Variants in TRERF1 observed in about 807,000 individuals in gnomAD.
TRERF1 encodes the protein transcriptional-regulating factor 1.
A neutral mutation model predicts 122.9 loss-of-function variants in TRERF1; 27 were observed. The ratio of observed to expected loss-of-function variants is 0.22; its 90% CI spans 0.16 to 0.30. The LOEUF (loss-of-function observed/expected upper bound fraction) is 0.30, where lower values mean the gene tolerates loss of function less well. Ranked by LOEUF, TRERF1 falls within the 10% of genes least tolerant of loss-of-function variation. TRERF1 has a pLI of 1.00. For missense variants in TRERF1, 1,248 were observed against 1,560.3 expected, an observed-to-expected ratio of 0.80 and a Z score of 3.37; for synonymous variants, 636 against 641.7, an observed-to-expected ratio of 0.99 and a Z score of 0.13.
intron 2 of TRERF1, among the ~76,000 whole-genome samples, chr6:42,434,718 T>A (rs1167334685): frequency 8.3e-6 from 1 of 119,806 alleles, no homozygotes; most frequent in East Asian, 2.3e-4. Context: ...ACACCCCTAA[T>A]AGGAGTTATT....
intron 2 of TRERF1, among the ~76,000 whole-genome samples, chr6:42,425,518 G>GC (rs1783492335): frequency 1.4e-5 from 2 of 139,656 alleles, no homozygotes; most frequent in Admixed American, 1.4e-4. Context: ...AACCGACACG[G>GC]CCCCCTGGGC....
At chr6:42,391,561 C>T (rs535383361) in intron 2 of TRERF1, among the ~76,000 whole-genome samples, 32 of 152,118 alleles carry the variant, frequency 2.1e-4, no homozygotes, top group Non-Finnish European at 3.8e-4. Context: ...AGTCCTCCTG[C>T]CCACACCCAC....
chr6:42,448,610 G>A (rs60530940), intron 2 of TRERF1, among the ~76,000 whole-genome samples: 3,929 of 152,224 alleles, frequency 0.026, 142 homozygotes, highest in South Asian at 0.091. Flanking sequence ...TGGAGACCTC[G>A]CTTACAAGAC....
chr6:42,284,781 A>G (rs1409920765), intron 4 of TRERF1, among the ~76,000 whole-genome samples: 1 of 152,132 alleles, frequency 6.6e-6, no homozygotes, highest in Non-Finnish European at 1.5e-5. Context: ...TAACTTTAAC[A>G]TGAGGAGCAT....
At chr6:42,439,136 C>T (rs558251999) in intron 2 of TRERF1, among the ~76,000 whole-genome samples, 1 of 152,200 alleles carries the variant, frequency 6.6e-6, no homozygotes, top group Non-Finnish European at 1.5e-5. Context: ...CTGCCACTTG[C>T]CCCTGTGTTT....
intron 2 of TRERF1, among the ~76,000 whole-genome samples, chr6:42,412,094 G>A (rs9471859): frequency 0.013 from 1,913 of 143,862 alleles, 19 homozygotes; most frequent in Middle Eastern, 0.032. Flanking sequence ...TCCGCCTCCC[G>A]GGTTCAAACG....
chr6:42,331,776 C>G (rs934584314), intron 3 of TRERF1, among the ~76,000 whole-genome samples: 2 of 152,134 alleles, frequency 1.3e-5, no homozygotes, highest in Non-Finnish European at 2.9e-5. Context: ...GTGAAGCTGG[C>G]CTAGCAGCGC....
At chr6:42,440,328 T>C (rs1290107538) in intron 2 of TRERF1, among the ~76,000 whole-genome samples, 1 of 152,142 alleles carries the variant, frequency 6.6e-6, no homozygotes, top group Non-Finnish European at 1.5e-5. Flanking sequence ...CAGGAGCCAG[T>C]CTTTGGAGCG....
intron 4 of TRERF1, among the ~76,000 whole-genome samples, chr6:42,279,193 G>A (rs896706360): frequency 6.6e-6 from 1 of 152,220 alleles, no homozygotes; most frequent in African/African-American, 2.4e-5. Flanking sequence ...AGGAGGTGCA[G>A]TAGGCAGACC....
chr6:42,388,959 G>A (rs894550687), intron 2 of TRERF1, among the ~76,000 whole-genome samples: 7 of 152,098 alleles, frequency 4.6e-5, no homozygotes, highest in Admixed American at 4.6e-4. Flanking sequence ...TGTGCCTACA[G>A]GGTCTTGCAG....
At chr6:42,436,419 TTTAA>T in intron 2 of TRERF1, among the ~76,000 whole-genome samples, 1 of 152,238 alleles carries the variant, frequency 6.6e-6, no homozygotes, top group East Asian at 1.9e-4. Context: ...CCAAAAAATA[TTTAA>T]TTAGTAAGTA....
At chr6:42,316,765 G>T (rs1287141391) in intron 3 of TRERF1, among the ~76,000 whole-genome samples, 2 of 152,126 alleles carry the variant, frequency 1.3e-5, no homozygotes, top group Non-Finnish European at 2.9e-5. Flanking sequence ...TAGGATTATG[G>T]GAGGGGCCTG....
chr6:42,330,656 T>C (rs541371977), intron 3 of TRERF1, among the ~76,000 whole-genome samples: 1 of 152,196 alleles, frequency 6.6e-6, no homozygotes, highest in African/African-American at 2.4e-5. Flanking sequence ...AGGATACTCA[T>C]GCAAACATTG....
At chr6:42,262,469 GA>G (rs1778241567) in intron 8 of TRERF1, among the ~76,000 whole-genome samples, 1 of 1,238 alleles carries the variant, frequency 8.1e-4, no homozygotes, top group African/African-American at 3.8e-3. Flanking sequence ...AGAGAGAGGA[GA>G]GAGAGAGAGA....
At chr6:42,414,188 G>C (rs1686944832) in intron 2 of TRERF1, among the ~76,000 whole-genome samples, 1 of 152,200 alleles carries the variant, frequency 6.6e-6, no homozygotes, top group South Asian at 2.1e-4. Context: ...AAACAACCAA[G>C]GGGAAAGCAT....
At chr6:42,398,538 T>G (rs900046342) in intron 2 of TRERF1, among the ~76,000 whole-genome samples, 1 of 152,354 alleles carries the variant, frequency 6.6e-6, no homozygotes, top group South Asian at 2.1e-4. Context: ...GCCTGTGTGC[T>G]TACTTTGTTC....
At chr6:42,442,864 A>C (rs1426647745) in intron 2 of TRERF1, among the ~76,000 whole-genome samples, 2 of 152,200 alleles carry the variant, frequency 1.3e-5, no homozygotes, top group African/African-American at 4.8e-5. Context: ...TGTGGCATTA[A>C]ATCAGGGCTT....
intron 3 of TRERF1, among the ~76,000 whole-genome samples, chr6:42,330,744 G>A (rs1765103286): frequency 6.6e-6 from 1 of 152,172 alleles, no homozygotes; most frequent in Non-Finnish European, 1.5e-5. Context: ...TTGGCTTACT[G>A]CAGTCTCAAC....
chr6:42,419,206 A>G (rs1250109306), intron 2 of TRERF1, among the ~76,000 whole-genome samples: 1 of 152,080 alleles, frequency 6.6e-6, no homozygotes, highest in Non-Finnish European at 1.5e-5. Context: ...CCATCTCTTT[A>G]GATAATTCAA....
Sources: allele counts gnomAD v4.1 joint callset (sites outside exome capture counted in the v4.1 genomes callset), GRCh38; gene constraint gnomAD v4.1.1; transcripts MANE v1.5; gene names NCBI Gene and HGNC (gene_info 2026-07-23, HGNC 2026-07-21).